MAPRE3: variants seen among roughly 807,000 people sequenced by gnomAD.
MAPRE3 encodes microtubule-associated protein RP/EB family member 3.
A neutral mutation model predicts 30.5 loss-of-function variants in MAPRE3; 2 were observed. The observed-to-expected ratio is 0.07, with a 90% CI of 0.03 to 0.21. The LOEUF (loss-of-function observed/expected upper bound fraction) is 0.21. Among genes scored for constraint, MAPRE3 ranks in the 10% least tolerant of loss-of-function variants. MAPRE3 has a pLI of 1.00. For missense variants in MAPRE3, 204 were observed against 351.8 expected, an observed-to-expected ratio of 0.58 and a Z score of 3.36; for synonymous variants, 110 against 127.7, an observed-to-expected ratio of 0.86 and a Z score of 0.93.
At chr2:27,003,637 C>G (rs1329261581) in intron 1 of MAPRE3, among the ~76,000 whole-genome samples, 1 of 152,186 alleles carries the variant, frequency 6.6e-6, no homozygotes, top group African/African-American at 2.4e-5. Context: ...GAAGGTGATA[C>G]CTGACCAGTC....
chr2:26,993,611 C>T (rs1032407079), intron 1 of MAPRE3, among the ~76,000 whole-genome samples: 10 of 152,010 alleles, frequency 6.6e-5, no homozygotes, highest in African/African-American at 2.2e-4. Flanking sequence ...CTGGGGAGGT[C>T]GGGAGGATGT....
chr2:27,024,107 A>G lies in MAPRE3; in HGVS notation c.279A>G (p.Val93=). ...KKMGVDKIIP[V]EKLVKGKFQD... ...GTGGTCTATTTCAGATCATTCCTGTAGAGAAATTAGTGAAAGGAAAATTCC... is the reference window on the plus strand; with the variant it reads ...GTGGTCTATTTCAGATCATTCCTGTGGAGAAATTAGTGAAAGGAAAATTCC... Residue 93 remains valine, a synonymous_variant, in exon 4 of 7, where the codon GTA becomes GTG. Coordinates refer to ENST00000233121, the MANE Select transcript of MAPRE3 (RefSeq NM_012326.4). 1 of 1,613,084 alleles carries G rather than the reference A, an allele frequency of 6.2e-7. No homozygotes were observed. Among genetic ancestry groups the G allele is most frequent in the Non-Finnish European group, 8.5e-7 (1 of 1,179,092 alleles).
At chr2:26,976,553 A>C (rs17005732) in intron 1 of MAPRE3, among the ~76,000 whole-genome samples, 2,703 of 152,296 alleles carry the variant, frequency 0.018, 132 homozygotes, top group East Asian at 0.16. Flanking sequence ...TAGATCTTGC[A>C]CTCACTAGCA....
intron 1 of MAPRE3, among the ~76,000 whole-genome samples, chr2:26,977,157 A>T (rs1484507683): frequency 1.3e-5 from 2 of 152,246 alleles, no homozygotes; most frequent in African/African-American, 4.8e-5. Flanking sequence ...CTAGAAGAGC[A>T]TGTGCCAAGT....
At position 27,022,238 on chromosome 2, in the gene MAPRE3, C is replaced by G; in HGVS notation, c.20C>G (p.Ser7Cys). 1 of 1,614,048 alleles carries G rather than the reference C, an allele frequency of 6.2e-7. No homozygotes were observed. The highest frequency in any genetic ancestry group is 8.5e-7 in the Non-Finnish European group (1 of 1,180,038). The change falls in exon 2 of 7, where the codon TCC (serine) becomes TGC (cysteine). Residue 7 changes from serine (S) to cysteine (C), a missense_variant. Transcript: ENST00000233121. MAVNVY[S>C]TSVTSENLSR... ...TGGGGTATGGCCGTCAATGTGTACT[C>G]CACATCTGTGACCAGTGAAAATCTG...
chr2:26,978,330 T>C (rs1356218891), intron 1 of MAPRE3, among the ~76,000 whole-genome samples: 1 of 152,216 alleles, frequency 6.6e-6, no homozygotes, highest in East Asian at 1.9e-4. Flanking sequence ...TTAGATACCT[T>C]TCCCATGTGA....
intron 1 of MAPRE3, chr2:26,984,909 T>C (rs1444406963): frequency 6.6e-6 from 1 of 152,242 alleles, no homozygotes; most frequent in Non-Finnish European, 1.5e-5. Context: ...CCAAGACATG[T>C]CAGGGAACTG....
intron 1 of MAPRE3, among the ~76,000 whole-genome samples, chr2:26,979,285 G>A (rs576512563): frequency 6.6e-6 from 1 of 152,322 alleles, no homozygotes; most frequent in Admixed American, 6.5e-5. Flanking sequence ...GTGAACTGGA[G>A]TAATCAGAAA....
chr2:26,990,293 C>A (rs140872723), intron 1 of MAPRE3, among the ~76,000 whole-genome samples: 1 of 152,198 alleles, frequency 6.6e-6, no homozygotes, highest in East Asian at 1.9e-4. Context: ...CCCTCCTATG[C>A]GCCCCATGCT....
intron 1 of MAPRE3, chr2:26,996,883 G>T (rs1160462197): frequency 6.6e-6 from 1 of 152,172 alleles, no homozygotes; most frequent in Non-Finnish European, 1.5e-5. Context: ...TGGAGGGAAA[G>T]TATCTAGTGA....
At chr2:27,018,065 A>C (rs965676590) in intron 1 of MAPRE3, among the ~76,000 whole-genome samples, 1 of 152,192 alleles carries the variant, frequency 6.6e-6, no homozygotes, top group Non-Finnish European at 1.5e-5. Flanking sequence ...TGGAGGATAT[A>C]TTTGGACTAA....
intron 1 of MAPRE3, among the ~76,000 whole-genome samples, chr2:26,971,057 C>A (rs1257797106): frequency 6.6e-6 from 1 of 150,692 alleles, no homozygotes; most frequent in African/African-American, 2.4e-5. Flanking sequence ...CTCTCCGGGT[C>A]CACCTTGAGG....
chr2:27,006,150 C>G (rs922446601), intron 1 of MAPRE3, among the ~76,000 whole-genome samples: 2 of 152,116 alleles, frequency 1.3e-5, no homozygotes. Context: ...CCACTGCACT[C>G]TAGCCTGGGT....
At chr2:26,971,594 G>A (rs1271294374) in intron 1 of MAPRE3, among the ~76,000 whole-genome samples, 1 of 152,030 alleles carries the variant, frequency 6.6e-6, no homozygotes, top group Non-Finnish European at 1.5e-5. Context: ...TTGTGAATAA[G>A]CATCTTGCGG....
chr2:26,974,320 A>G (rs1405191951), intron 1 of MAPRE3, among the ~76,000 whole-genome samples: 1 of 152,234 alleles, frequency 6.6e-6, no homozygotes, highest in Non-Finnish European at 1.5e-5. Context: ...CAAACTGTCT[A>G]ACTAAATATT....
chr2:27,002,953 A>ACAGGTC (rs2148214189), intron 1 of MAPRE3: 2 of 152,320 alleles, frequency 1.3e-5, no homozygotes, highest in South Asian at 4.1e-4. Context: ...TAATGGCCTT[A>ACAGGTC]CAGGTCTGTG....
At chr2:27,007,440 G>A (rs1666755814) in intron 1 of MAPRE3, among the ~76,000 whole-genome samples, 1 of 152,246 alleles carries the variant, frequency 6.6e-6, no homozygotes, top group African/African-American at 2.4e-5. Flanking sequence ...TGGTCTGTCA[G>A]AAGTAAAGGA....
chr2:26,996,742 G>C (rs1323237128), intron 1 of MAPRE3: 1 of 152,242 alleles, frequency 6.6e-6, no homozygotes, highest in Non-Finnish European at 1.5e-5. Flanking sequence ...GGGAGGCGGA[G>C]CTTGCAGTGG....
intron 1 of MAPRE3, among the ~76,000 whole-genome samples, 170 bp downstream of exon 1, chr2:26,970,972 G>T (rs1040850540): frequency 3.3e-5 from 5 of 150,906 alleles, no homozygotes; most frequent in Admixed American, 2.6e-4. Flanking sequence ...CCTGTCGCCG[G>T]GTTCCCTCCG....
Sources: allele counts gnomAD v4.1 joint callset (sites outside exome capture counted in the v4.1 genomes callset), GRCh38; gene constraint gnomAD v4.1.1; transcripts MANE v1.5; gene names NCBI Gene and HGNC (gene_info 2026-07-23, HGNC 2026-07-21).